The following GAS7 variants were observed in gnomAD, a reference collection of about 807,000 sequenced individuals.
GAS7 encodes the protein growth arrest specific 7.
In GAS7, 28 loss-of-function variants were observed where a neutral mutation model predicts 71.1. The observed-to-expected ratio is 0.39, with a 90% CI of 0.29 to 0.54. The LOEUF (loss-of-function observed/expected upper bound fraction) is 0.54. GAS7 is among the 20% of genes least tolerant of loss of function. The pLI, the probability that GAS7 is intolerant of heterozygous loss-of-function variation, is 0.62. For missense variants in GAS7, 436 were observed against 627.8 expected, an observed-to-expected ratio of 0.69 and a Z score of 3.27; for synonymous variants, 258 against 245.8, an observed-to-expected ratio of 1.05 and a Z score of -0.46.
intron 1 of GAS7, among the ~76,000 whole-genome samples, chr17:10,055,259 G>C (rs1227791809): frequency 6.6e-6 from 1 of 152,196 alleles, no homozygotes; most frequent in Admixed American, 6.5e-5. Flanking sequence ...ATGGGGCATG[G>C]TGGGAAGGAA....
intron 13 of GAS7, 85 bp from the exon 14 acceptor site, chr17:9,917,426 T>TA: frequency 1.1e-6 from 1 of 930,114 alleles, no homozygotes; most frequent in Non-Finnish European, 1.7e-6. Context: ...GTCCTCACCT[T>TA]AGTGTCTCTG....
chr17:10,119,553 A>G (rs2073888911), intron 1 of GAS7, among the ~76,000 whole-genome samples: 1 of 152,236 alleles, frequency 6.6e-6, no homozygotes, highest in Non-Finnish European at 1.5e-5. Flanking sequence ...ATTCTTGTTT[A>G]AGGTCCAAGG....
At chr17:10,012,758 G>C (rs1201764572) in intron 2 of GAS7, among the ~76,000 whole-genome samples, 1 of 152,134 alleles carries the variant, frequency 6.6e-6, no homozygotes, top group African/African-American at 2.4e-5. Flanking sequence ...GGCACTTTTA[G>C]GAGGTGACTA....
In GAS7 at chr17:10,071,481, C is replaced by T. The variant is rs183823758; in HGVS notation, c.184-51584G>A. On this transcript the variant is annotated intron_variant, in intron 1 of 13. Coordinates refer to ENST00000432992, the MANE Select transcript of GAS7 (RefSeq NM_201433.2). ...CCAGACATGAGGAGGTGGGTGCAAT[C>T]GGAGGCAGCGCAGACAGCCGAGGGC... 3.7e-3 allele frequency among the ~76,000 whole-genome samples: 565 copies of T among 152,282 alleles called. 2 individuals carry two copies. The highest frequency in any genetic ancestry group is 0.012 in the African/African-American group (515 of 41,558).
At chr17:10,173,076 T>A (rs7222551) in intron 1 of GAS7, among the ~76,000 whole-genome samples, 1 of 152,006 alleles carries the variant, frequency 6.6e-6, no homozygotes, top group Non-Finnish European at 1.5e-5. Flanking sequence ...ATAAACCAAA[T>A]ACGAAGTCCA....
At chr17:10,024,607 C>T (rs577859016) in intron 1 of GAS7, among the ~76,000 whole-genome samples, 94 of 152,250 alleles carry the variant, frequency 6.2e-4, no homozygotes, top group Middle Eastern at 3.4e-3. Flanking sequence ...AATAATAAAA[C>T]GCGGCCTCTT....
intron 12 of GAS7, among the ~76,000 whole-genome samples, chr17:9,918,603 T>C (rs2152065845): frequency 6.6e-6 from 1 of 152,342 alleles, no homozygotes. Context: ...CACACATTCC[T>C]GGGACCTTGT....
At chr17:10,181,889 T>C in intron 1 of GAS7, among the ~76,000 whole-genome samples, 1 of 152,148 alleles carries the variant, frequency 6.6e-6, no homozygotes, top group African/African-American at 2.4e-5. Context: ...TCATCCTCAC[T>C]GCTCATTATA....
chr17:10,011,936 T>C (rs909809014), intron 2 of GAS7, among the ~76,000 whole-genome samples: 1 of 149,812 alleles, frequency 6.7e-6, no homozygotes, highest in Non-Finnish European at 1.5e-5. Context: ...GATTGCACCA[T>C]TGCACTCCAG....
intron 1 of GAS7, among the ~76,000 whole-genome samples, chr17:10,077,836 G>A (rs1402176166): frequency 7.2e-5 from 11 of 152,154 alleles, no homozygotes; most frequent in African/African-American, 2.4e-5. Flanking sequence ...AAAAGGGGAA[G>A]ACATGAGATC....
At chr17:10,187,615 T>C (rs1476940763) in intron 1 of GAS7, among the ~76,000 whole-genome samples, 3 of 152,228 alleles carry the variant, frequency 2.0e-5, no homozygotes, top group Non-Finnish European at 4.4e-5. Context: ...TTTGGTAAGC[T>C]GCCTTAAATC....
intron 1 of GAS7, among the ~76,000 whole-genome samples, chr17:10,030,675 A>G (rs1158648637): frequency 6.6e-6 from 1 of 152,256 alleles, no homozygotes; most frequent in Non-Finnish European, 1.5e-5. Context: ...AGTCCCTAAA[A>G]GAAACTTCTC....
In GAS7 at chr17:9,910,921, A is replaced by G; in HGVS notation, c.*6307T>C. On this transcript the variant is annotated 3_prime_UTR_variant, in exon 14 of 14. Coordinates refer to ENST00000432992, the MANE Select transcript of GAS7 (RefSeq NM_201433.2). The stretch of plus-strand genomic sequence containing the variant: ...GTGCTGGCGGGAGACACGGCTCTTT[A>G]ACATGAAAAATGTATAAAGTATTTA... 4.3e-6 allele frequency: 1 copy of G among 231,422 alleles called. No individual in the cohort carries two copies. Among genetic ancestry groups the G allele is most frequent in the Admixed American group, 5.6e-5 (1 of 17,722 alleles). The allele number at this position is 231,422 out of a possible 1,614,324, so 14.3% of individuals were successfully genotyped here. A position where few individuals can be genotyped will look rare whatever the true frequency, so the allele number is the denominator to read the frequency against.
intron 1 of GAS7, among the ~76,000 whole-genome samples, chr17:10,191,470 C>A (rs1051154060): frequency 6.8e-6 from 1 of 145,990 alleles, no homozygotes; most frequent in Admixed American, 7.0e-5. Flanking sequence ...CTTGGAGGAT[C>A]GTTTGAGCCC....
intron 9 of GAS7, among the ~76,000 whole-genome samples, chr17:9,927,634 C>T (rs367635977): frequency 1.3e-5 from 2 of 152,304 alleles, no homozygotes; most frequent in South Asian, 2.1e-4. Context: ...ACCACATCAG[C>T]GTCTGTGTCT....
chr17:9,933,578 C>A (rs147725403), intron 9 of GAS7, among the ~76,000 whole-genome samples: 1 of 152,260 alleles, frequency 6.6e-6, no homozygotes, highest in African/African-American at 2.4e-5. Flanking sequence ...TATAGTGGCT[C>A]ATGTCTGTGA....
At chr17:10,073,581 C>T (rs1273417351) in intron 1 of GAS7, among the ~76,000 whole-genome samples, 1 of 152,192 alleles carries the variant, frequency 6.6e-6, no homozygotes, top group East Asian at 1.9e-4. Flanking sequence ...GCCCCGCTCC[C>T]CTCAAGACCT....
At chr17:10,038,793 G>A (rs2072807998) in intron 1 of GAS7, among the ~76,000 whole-genome samples, 1 of 150,818 alleles carries the variant, frequency 6.6e-6, no homozygotes, top group African/African-American at 2.4e-5. Context: ...TCCGCCTCCT[G>A]GGTTCAAGCG....
chr17:10,103,739 C>T lies in GAS7; in HGVS notation c.184-83842G>A, dbSNP rs2073730270. Among the ~76,000 whole-genome samples, 1 of 151,636 alleles carries T rather than the reference C, an allele frequency of 6.6e-6. No homozygotes were observed. The highest frequency in any genetic ancestry group is 1.5e-5 in the Non-Finnish European group (1 of 67,908). Reference sequence around the variant, plus strand: ...TACTAGGGAGGCTGAGGCAGGAGAACTGCTTGAACCTGGGAGGCAGAGGTT... The same window carrying T: ...TACTAGGGAGGCTGAGGCAGGAGAATTGCTTGAACCTGGGAGGCAGAGGTT... On this transcript the variant is annotated intron_variant, in intron 1 of 13. Coordinates refer to ENST00000432992, the MANE Select transcript of GAS7 (RefSeq NM_201433.2). This position sits in a 1 kb window ranked among gnomAD's most constrained non-coding sequence, Gnocchi z 5.5.
Sources: gnomAD v4.1 joint callset for allele counts (sites outside exome capture counted in the v4.1 genomes callset) on GRCh38, gnomAD v4.1.1 for gene constraint, Gnocchi (gnomAD v3.1) non-coding constraint, MANE v1.5 for transcripts, NCBI Gene and HGNC (gene_info 2026-07-23, HGNC 2026-07-21) for gene names.